Variants in SCFD2 observed in about 807,000 individuals in gnomAD.
The protein encoded by SCFD2 is sec1 family domain-containing protein 2.
Under a neutral mutation model 58.9 loss-of-function variants are expected in SCFD2, and 54 were observed. That is an observed-to-expected ratio of 0.92 (90% CI 0.74 to 1.15). The LOEUF (loss-of-function observed/expected upper bound fraction) is 1.15. SCFD2 is among the 50% of genes most tolerant of loss of function. The pLI is 0.00. For missense variants in SCFD2, 805 were observed against 836.6 expected, an observed-to-expected ratio of 0.96 and a Z score of 0.47; for synonymous variants, 321 against 335.9, an observed-to-expected ratio of 0.96 and a Z score of 0.49.
intron 5 of SCFD2, among the ~76,000 whole-genome samples, chr4:53,030,787 A>G (rs188832155): frequency 5.3e-5 from 8 of 152,326 alleles, no homozygotes; most frequent in African/African-American, 1.9e-4. Context: ...CCAATCTTGA[A>G]CATTCACCCA....
intron 5 of SCFD2, among the ~76,000 whole-genome samples, chr4:53,126,093 T>G (rs1725619250): frequency 1.3e-5 from 2 of 152,296 alleles, no homozygotes; most frequent in Admixed American, 6.5e-5. Context: ...ATATGAAGTT[T>G]CGCTAAAACT....
intron 2 of SCFD2, among the ~76,000 whole-genome samples, chr4:53,345,835 A>ACTAT (rs1257432890): frequency 1.3e-5 from 2 of 151,884 alleles, no homozygotes; most frequent in Non-Finnish European, 2.9e-5. Context: ...TTCTCAGCAA[A>ACTAT]CTATCACAAG....
At chr4:53,340,866 C>T (rs1411143097) in intron 2 of SCFD2, among the ~76,000 whole-genome samples, 3 of 152,170 alleles carry the variant, frequency 2.0e-5, no homozygotes, top group Non-Finnish European at 2.9e-5. Flanking sequence ...GAGTGGACCT[C>T]CAGCAAACTC....
At chr4:52,985,041 A>G (rs559655242) in intron 5 of SCFD2, among the ~76,000 whole-genome samples, 13 of 152,244 alleles carry the variant, frequency 8.5e-5, no homozygotes, top group Non-Finnish European at 1.5e-4. Flanking sequence ...TGAGTAGGAC[A>G]TGGGTATTTA....
chr4:53,276,110 T>C (rs991396694), intron 3 of SCFD2, among the ~76,000 whole-genome samples: 2 of 152,068 alleles, frequency 1.3e-5, no homozygotes, highest in Admixed American at 6.5e-5. Context: ...ATGTTAAGTA[T>C]ATGCTTACTT....
At chr4:53,004,611 G>A (rs1029850631) in intron 5 of SCFD2, among the ~76,000 whole-genome samples, 1 of 152,212 alleles carries the variant, frequency 6.6e-6, no homozygotes, top group Non-Finnish European at 1.5e-5. Context: ...GTAAGTGGTA[G>A]AGTTAGAATT....
At chr4:52,883,982 C>G (rs1250134392) in intron 8 of SCFD2, among the ~76,000 whole-genome samples, 4 of 152,230 alleles carry the variant, frequency 2.6e-5, no homozygotes, top group African/African-American at 9.6e-5. Context: ...GGGACCAGAC[C>G]TTCTTGGCTT....
chr4:53,072,342 T>A (rs1429413991), intron 5 of SCFD2, among the ~76,000 whole-genome samples: 1 of 152,116 alleles, frequency 6.6e-6, no homozygotes, highest in Non-Finnish European at 1.5e-5. Flanking sequence ...CCCCAAATTA[T>A]TTCTTTTTTA....
At chr4:53,152,183 A>G (rs1726529874) in intron 4 of SCFD2, among the ~76,000 whole-genome samples, 1 of 152,090 alleles carries the variant, frequency 6.6e-6, no homozygotes, top group African/African-American at 2.4e-5. Context: ...AGTCTCCTAT[A>G]TAAACAAAAC....
chr4:53,025,550 C>A (rs200403292), intron 5 of SCFD2, among the ~76,000 whole-genome samples: 2 of 152,194 alleles, frequency 1.3e-5, no homozygotes, highest in Admixed American at 6.5e-5. Flanking sequence ...TTTTCACTGC[C>A]AAGTAGGACT....
intron 5 of SCFD2, among the ~76,000 whole-genome samples, chr4:53,106,792 A>G (rs1315017567): frequency 6.6e-6 from 1 of 152,238 alleles, no homozygotes; most frequent in Non-Finnish European, 1.5e-5. Context: ...ACCAAGTTGG[A>G]AAACACTGTT....
intron 4 of SCFD2, among the ~76,000 whole-genome samples, chr4:53,197,509 T>A (rs1404880811): frequency 1.3e-5 from 2 of 152,008 alleles, no homozygotes; most frequent in Non-Finnish European, 2.9e-5. Flanking sequence ...AATTTCAGAT[T>A]TTTTCCCCAA....
intron 5 of SCFD2, among the ~76,000 whole-genome samples, chr4:53,137,730 A>C (rs1490291719): frequency 6.6e-6 from 1 of 152,256 alleles, no homozygotes; most frequent in African/African-American, 2.4e-5. Flanking sequence ...TCAATGAGTA[A>C]TAATGTGAGT....
intron 5 of SCFD2, among the ~76,000 whole-genome samples, chr4:53,143,332 C>A (rs1726223766): frequency 6.6e-6 from 1 of 152,154 alleles, no homozygotes; most frequent in African/African-American, 2.4e-5. Context: ...TAATTAAATT[C>A]TCCTAGCATT....
intron 7 of SCFD2, among the ~76,000 whole-genome samples, chr4:52,900,604 A>C (rs1719164754): frequency 6.6e-6 from 1 of 152,178 alleles, no homozygotes; most frequent in Admixed American, 6.5e-5. Context: ...CCACTTGAGG[A>C]GGCATTCTGC....
At chr4:52,889,181 G>T (rs936868700) in intron 7 of SCFD2, among the ~76,000 whole-genome samples, 1 of 152,070 alleles carries the variant, frequency 6.6e-6, no homozygotes, top group African/African-American at 2.4e-5. Context: ...CTCCCCATCC[G>T]CAGTTTGGCC....
chr4:53,012,013 T>C (rs1304253933), intron 5 of SCFD2, among the ~76,000 whole-genome samples: 2 of 151,754 alleles, frequency 1.3e-5, no homozygotes, highest in Non-Finnish European at 2.9e-5. Flanking sequence ...TTTTTTTTTT[T>C]TTTTTTAATA....
At chr4:53,342,500 A>G (rs1383667938) in intron 2 of SCFD2, among the ~76,000 whole-genome samples, 6 of 152,206 alleles carry the variant, frequency 3.9e-5, no homozygotes, top group East Asian at 1.9e-4. Flanking sequence ...CTCCAACACA[A>G]TAATAATGGG....
At chr4:53,273,096 G>T (rs1731225635) in intron 4 of SCFD2, among the ~76,000 whole-genome samples, 1 of 152,002 alleles carries the variant, frequency 6.6e-6, no homozygotes, top group Non-Finnish European at 1.5e-5. Flanking sequence ...TTTATCTCTA[G>T]TTTTATTTCT....
Sources: allele counts gnomAD v4.1 joint callset (sites outside exome capture counted in the v4.1 genomes callset), GRCh38; gene constraint gnomAD v4.1.1; transcripts MANE v1.5; gene names NCBI Gene and HGNC (gene_info 2026-07-23, HGNC 2026-07-21).